ARHGAP15: variants seen among roughly 807,000 people sequenced by gnomAD.
ARHGAP15 encodes Rho GTPase activating protein 15, also known as rho GTPase-activating protein 15.
Under a neutral mutation model 63.7 loss-of-function variants are expected in ARHGAP15, and 51 were observed. The ratio of observed to expected loss-of-function variants is 0.80; its 90% CI spans 0.64 to 1.01. The LOEUF (loss-of-function observed/expected upper bound fraction) is 1.01, where lower values mean the gene tolerates loss of function less well. Among genes scored for constraint, ARHGAP15 ranks in the 50% least tolerant of loss-of-function variants. The pLI is 0.00. For missense variants in ARHGAP15, 560 were observed against 564.6 expected (o/e 0.99, Z 0.08); for synonymous variants, 191 against 193.8 (o/e 0.99, Z 0.12).
intron 6 of ARHGAP15, among the ~76,000 whole-genome samples, chr2:143,422,936 T>G (rs1371253390): frequency 1.3e-5 from 2 of 152,098 alleles, no homozygotes; most frequent in African/African-American, 4.8e-5. Flanking sequence ...AGACTGTGCA[T>G]TCTCAACTCT....
At chr2:143,317,865 A>G (rs1342268582) in intron 6 of ARHGAP15, among the ~76,000 whole-genome samples, 1 of 152,236 alleles carries the variant, frequency 6.6e-6, no homozygotes, top group Admixed American at 6.5e-5. Context: ...TTAGGAATTT[A>G]AAGTATTAAG....
intron 11 of ARHGAP15, among the ~76,000 whole-genome samples, chr2:143,574,489 A>G (rs1696589747): frequency 6.6e-6 from 1 of 151,914 alleles, no homozygotes; most frequent in South Asian, 2.1e-4. Context: ...TAATAATAAT[A>G]AAATTAAAAA....
At chr2:143,539,191 T>C (rs948443489) in intron 10 of ARHGAP15, among the ~76,000 whole-genome samples, 1 of 152,214 alleles carries the variant, frequency 6.6e-6, no homozygotes, top group Admixed American at 6.5e-5. Flanking sequence ...CATTCTCTGA[T>C]GGTAGTTTGT....
At chr2:143,234,640 T>C (rs1256821787) in intron 5 of ARHGAP15, among the ~76,000 whole-genome samples, 2 of 152,228 alleles carry the variant, frequency 1.3e-5, no homozygotes, top group Non-Finnish European at 2.9e-5. Context: ...TTTACATTGC[T>C]CATCTACCAA....
At chr2:143,745,308 C>A (rs1686120539) in intron 13 of ARHGAP15, among the ~76,000 whole-genome samples, 1 of 152,212 alleles carries the variant, frequency 6.6e-6, no homozygotes, top group Non-Finnish European at 1.5e-5. Flanking sequence ...TCATATCACC[C>A]TTTTACACTG....
intron 12 of ARHGAP15, among the ~76,000 whole-genome samples, chr2:143,685,045 G>A (rs1683266652): frequency 6.6e-6 from 1 of 152,174 alleles, no homozygotes; most frequent in African/African-American, 2.4e-5. Context: ...TAAAAGTGAG[G>A]GGGGCACTGT....
intron 9 of ARHGAP15, among the ~76,000 whole-genome samples, chr2:143,509,332 G>GAA (rs35562461): frequency 0.088 from 12,271 of 139,952 alleles, 606 homozygotes; most frequent in Non-Finnish European, 0.11. Context: ...TGCCTCTTAT[G>GAA]AAAAAAAAAA....
chr2:143,635,063 C>T (rs1680235547), intron 12 of ARHGAP15, among the ~76,000 whole-genome samples: 1 of 152,026 alleles, frequency 6.6e-6, no homozygotes, highest in Non-Finnish European at 1.5e-5. Flanking sequence ...GACAGACACA[C>T]ACACACACGT....
intron 6 of ARHGAP15, among the ~76,000 whole-genome samples, chr2:143,419,925 A>T (rs1264970808): frequency 2.0e-5 from 3 of 152,136 alleles, no homozygotes; most frequent in Non-Finnish European, 2.9e-5. Flanking sequence ...TCATCCTTTC[A>T]CTTAATTGTT....
chr2:143,485,083 T>TA (rs76339396), intron 8 of ARHGAP15, among the ~76,000 whole-genome samples: 11,302 of 152,142 alleles, frequency 0.074, 637 homozygotes, highest in East Asian at 0.23. Context: ...TACTTTAATT[T>TA]AAAAAAAAAT....
chr2:143,684,908 A>G (rs1683261041), intron 12 of ARHGAP15, among the ~76,000 whole-genome samples: 1 of 152,200 alleles, frequency 6.6e-6, no homozygotes, highest in Non-Finnish European at 1.5e-5. Context: ...AGACCTTTCC[A>G]GTCAGTGTTA....
At chr2:143,546,904 C>T (rs1695357188) in intron 10 of ARHGAP15, among the ~76,000 whole-genome samples, 1 of 152,046 alleles carries the variant, frequency 6.6e-6, no homozygotes, top group Non-Finnish European at 1.5e-5. Context: ...CAAAATTTGT[C>T]TTCAAGACTA....
rs571892602 is a variant in ARHGAP15, at chr2:143,587,688, G to A, written c.1003+31203G>A. 2.2e-3 allele frequency: 1,017 copies of A among 468,094 alleles called. 17 individuals carry two copies. The highest frequency in any genetic ancestry group is 0.014 in the South Asian group (889 of 64,064). The allele number at this position is 468,094 out of a possible 1,614,324, so 29.0% of individuals were successfully genotyped here. A position where few individuals can be genotyped will look rare whatever the true frequency, so the allele number is the denominator to read the frequency against. ...CCTTTGTCTTCTGTCTTTCACAGTC[G>A]TTTCTGGAATACCAGCCCTTCTATC... is the stretch of plus-strand genomic sequence containing the variant. On this transcript the variant is annotated intron_variant, in intron 11 of 13. Transcript: ENST00000295095.
rs981053814 is a variant in ARHGAP15, at chr2:143,482,183, A to G, written c.704-5190A>G. Among the ~76,000 whole-genome samples the G allele has an allele frequency of 2.6e-5, 4 of 152,208 alleles. No individual in the cohort carries two copies. In the East Asian group the frequency reaches 7.7e-4, roughly 29 times the overall value. ...ATTGCTCTAGTCTCTTATGCAAATC[A>G]GATTAAATATTTCAGAGTTTAAACC... On this transcript the variant is annotated intron_variant, in intron 8 of 13. Coordinates refer to ENST00000295095, the MANE Select transcript of ARHGAP15 (RefSeq NM_018460.4).
rs1686537305 is a variant in ARHGAP15, at chr2:143,371,256, C to G, written c.475-64345C>G. Reference sequence around the variant, plus strand: ...CATGGGGGTTTGCTGCACCTATTAACCTGTCATCTAGGTTTTAAGCCCTGC... The same window carrying G: ...CATGGGGGTTTGCTGCACCTATTAAGCTGTCATCTAGGTTTTAAGCCCTGC... On this transcript the variant is annotated intron_variant, in intron 6 of 13. Coordinates refer to ENST00000295095, the MANE Select transcript of ARHGAP15 (RefSeq NM_018460.4). 2.0e-5 allele frequency among the ~76,000 whole-genome samples: 3 copies of G among 152,156 alleles called. No homozygotes were observed. The South Asian group carries it at 6.2e-4, about 32-fold the overall frequency.
chr2:143,536,955 T>G (rs1233792844), intron 10 of ARHGAP15, among the ~76,000 whole-genome samples: 4 of 152,176 alleles, frequency 2.6e-5, no homozygotes, highest in Non-Finnish European at 5.9e-5. Flanking sequence ...CCACACCGAC[T>G]TCCACAATGG....
chr2:143,277,558 CAG>C (rs1479595778), intron 6 of ARHGAP15, among the ~76,000 whole-genome samples: 1 of 151,742 alleles, frequency 6.6e-6, no homozygotes, highest in Non-Finnish European at 1.5e-5. Context: ...GAGACAAATC[CAG>C]AGACTGTACT....
At chr2:143,609,223 A>G (rs1232010947) in intron 11 of ARHGAP15, among the ~76,000 whole-genome samples, 3 of 152,224 alleles carry the variant, frequency 2.0e-5, no homozygotes, top group Non-Finnish European at 2.9e-5. Flanking sequence ...TTAGTACATA[A>G]TAAAATTTAA....
chr2:143,477,768 G>A (rs1457039743), intron 8 of ARHGAP15, among the ~76,000 whole-genome samples: 2 of 152,100 alleles, frequency 1.3e-5, no homozygotes, highest in African/African-American at 2.4e-5. Context: ...TTGGAAGGAA[G>A]CATATCAATG....
Sources: allele counts gnomAD v4.1 joint callset (sites outside exome capture counted in the v4.1 genomes callset), GRCh38; gene constraint gnomAD v4.1.1; transcripts MANE v1.5; gene names NCBI Gene and HGNC (gene_info 2026-07-23, HGNC 2026-07-21).